The following PLXDC2 variants were observed in gnomAD, a reference collection of about 807,000 sequenced individuals.
PLXDC2 encodes the protein plexin domain-containing protein 2.
In PLXDC2, 40 loss-of-function variants were observed where a neutral mutation model predicts 68.9. That is an observed-to-expected ratio of 0.58 (90% confidence interval 0.45 to 0.76). PLXDC2 has a LOEUF of 0.76. PLXDC2 is among the 30% of genes least tolerant of loss of function. The probability of loss-of-function intolerance (pLI) is 0.00; values close to 1 mark genes in which losing one functional copy is unlikely to be tolerated. For missense variants in PLXDC2, 644 were observed against 661.9 expected (o/e 0.97, Z 0.30); for synonymous variants, 243 against 234.2 (o/e 1.04, Z -0.34).
In PLXDC2 at chr10:20,284,082, A is replaced by G. The variant is rs1360705672; in HGVS notation, c.*4263A>G. 6.6e-6 allele frequency: 1 copy of G among 152,082 alleles called. No individual in the cohort carries two copies. Among genetic ancestry groups the G allele is most frequent in the Non-Finnish European group, 1.5e-5 (1 of 68,024 alleles). The allele number at this position is 152,082 out of a possible 1,614,324, so 9.4% of individuals were successfully genotyped here. A position where few individuals can be genotyped will look rare whatever the true frequency, so the allele number is the denominator to read the frequency against. On this transcript the variant is annotated 3_prime_UTR_variant, in exon 14 of 14. Transcript: ENST00000377252. ...AGATCGCTTCAAGATGCTTTCGTTT[A>G]TGATAGGAAATTAATATTTAAATAA...
intron 1 of PLXDC2, among the ~76,000 whole-genome samples, chr10:19,842,355 G>A (rs745802026): frequency 3.3e-5 from 5 of 152,058 alleles, no homozygotes; most frequent in African/African-American, 1.2e-4. Flanking sequence ...CTTAGCATGC[G>A]TTGAGGCATA....
chr10:20,166,996 C>T (rs755365659), intron 7 of PLXDC2, among the ~76,000 whole-genome samples: 2 of 152,076 alleles, frequency 1.3e-5, no homozygotes, highest in Admixed American at 6.6e-5. Flanking sequence ...TTAATTCAAA[C>T]GTAGAATTCA....
At chr10:20,115,335 C>A (rs1191075548) in intron 4 of PLXDC2, among the ~76,000 whole-genome samples, 1 of 152,146 alleles carries the variant, frequency 6.6e-6, no homozygotes, top group Non-Finnish European at 1.5e-5. Flanking sequence ...GTGTGGGGCA[C>A]CTAAGCTGAC....
Position 20,133,534 on chromosome 10 carries a change from T to C in PLXDC2, c.542-9761T>C, listed in dbSNP as rs1358050880. Among the ~76,000 whole-genome samples, 4 of 152,304 alleles carry C rather than the reference T, an allele frequency of 2.6e-5. No individual in the cohort carries two copies. The East Asian group carries it at 7.7e-4, about 29-fold the overall frequency. On this transcript the variant is annotated intron_variant, in intron 4 of 13. Transcript: ENST00000377252. ...TTTGAATTTATTATTTGTCTCTCTT[T>C]TGCCCTATAAGGTTCCTGCTGAGAA...
At chr10:19,987,526 G>T (rs1328390059) in intron 1 of PLXDC2, among the ~76,000 whole-genome samples, 1 of 151,270 alleles carries the variant, frequency 6.6e-6, no homozygotes, top group Non-Finnish European at 1.5e-5. Context: ...ACTCTAGGTT[G>T]ATTCTTTGAG....
chr10:19,947,030 A>G (rs1395011644), intron 1 of PLXDC2, among the ~76,000 whole-genome samples: 1 of 152,122 alleles, frequency 6.6e-6, no homozygotes, highest in Non-Finnish European at 1.5e-5. Flanking sequence ...GGGTCCTTAT[A>G]AGTAAAAAGC....
Position 19,891,429 on chromosome 10 carries a change from C to CACAAT in PLXDC2, c.112+74238_112+74239insACAAT, listed in dbSNP as rs1429864367. ...CTCCCTTTTTTCTTCCACAATCTTCCGTAATTACCATTCACATCTATTAGA... is the reference window on the plus strand; with the variant it reads ...CTCCCTTTTTTCTTCCACAATCTTCCACAATGTAATTACCATTCACATCTATTAGA... On this transcript the variant is annotated intron_variant, in intron 1 of 13. Transcript: ENST00000377252. 2.0e-5 allele frequency among the ~76,000 whole-genome samples: 3 copies of CACAAT among 152,132 alleles called. No individual in the cohort carries two copies. In the East Asian group the frequency reaches 5.8e-4, roughly 29 times the overall value.
chr10:19,861,731 G>T (rs1837322609), intron 1 of PLXDC2, among the ~76,000 whole-genome samples: 1 of 152,106 alleles, frequency 6.6e-6, no homozygotes, highest in Admixed American at 6.6e-5. Context: ...CTTTTCTGCA[G>T]CTCCTCTGAC....
intron 1 of PLXDC2, among the ~76,000 whole-genome samples, chr10:19,902,451 G>A (rs979347068): frequency 6.6e-6 from 1 of 152,016 alleles, no homozygotes; most frequent in Non-Finnish European, 1.5e-5. Context: ...TATTGTAAAA[G>A]GGAATGAGTT....
chr10:20,124,988 C>T (rs111497604), intron 4 of PLXDC2, among the ~76,000 whole-genome samples: 3,853 of 152,152 alleles, frequency 0.025, 74 homozygotes, highest in South Asian at 0.074. Flanking sequence ...GGCAGACTAC[C>T]GTGGAAACCA....
At chr10:19,842,091 C>A (rs1255434853) in intron 1 of PLXDC2, among the ~76,000 whole-genome samples, 1 of 152,050 alleles carries the variant, frequency 6.6e-6, no homozygotes, top group Non-Finnish European at 1.5e-5. Context: ...GGTAGAGCAA[C>A]ATCCCAAAAT....
chr10:20,234,720 C>T (rs190864014), intron 12 of PLXDC2, among the ~76,000 whole-genome samples: 1 of 145,874 alleles, frequency 6.9e-6, no homozygotes, highest in Non-Finnish European at 1.5e-5. Context: ...CTGAGCTACA[C>T]AGCACACACA....
chr10:20,069,936 T>C (rs1051324880), intron 4 of PLXDC2, among the ~76,000 whole-genome samples: 4 of 152,212 alleles, frequency 2.6e-5, no homozygotes, highest in Non-Finnish European at 5.9e-5. Flanking sequence ...GTGAGAGTTG[T>C]TTAAGACTAT....
chr10:20,135,596 T>G (rs535817044), intron 4 of PLXDC2, among the ~76,000 whole-genome samples: 1 of 152,324 alleles, frequency 6.6e-6, no homozygotes, highest in African/African-American at 2.4e-5. Context: ...TTGTTTGTTT[T>G]TTGTCTATCT....
chr10:19,826,041 C>G (rs921283712), intron 1 of PLXDC2, among the ~76,000 whole-genome samples: 2 of 152,152 alleles, frequency 1.3e-5, no homozygotes, highest in African/African-American at 4.8e-5. Context: ...TAAATGCAAT[C>G]TGCATTGCAA....
chr10:20,143,364 C>G lies in PLXDC2; in HGVS notation c.611C>G (p.Ala204Gly). ...ACACAGTACATAGCACCTTTAATGG[C>G]AAATTTCGATCCCAGTGTATCCAGA... is the stretch of plus-strand genomic sequence containing the variant. ...TATQYIAPLM[A>G]NFDPSVSRNS... The change falls in exon 5 of 14, where the codon GCA becomes GGA. Residue 204 changes from alanine to glycine, a missense_variant. By Grantham distance (60) the Ala-to-Gly change is moderately conservative. This residue lies in a region of PLXDC2 where 113 missense variants were observed against 167.1 expected (regional missense o/e 0.68). Transcript: ENST00000377252. 6.2e-7 allele frequency: 1 copy of G among 1,613,196 alleles called. No individual in the cohort carries two copies. The highest frequency in any genetic ancestry group is 8.5e-7 in the Non-Finnish European group (1 of 1,179,354).
chr10:20,030,047 A>G (rs2131666442), intron 2 of PLXDC2, among the ~76,000 whole-genome samples: 1 of 152,158 alleles, frequency 6.6e-6, no homozygotes, highest in East Asian at 1.9e-4. Context: ...AAATGAAGGC[A>G]CTCTTAGAGA....
At chr10:20,142,999 T>C (rs557462577) in intron 4 of PLXDC2, among the ~76,000 whole-genome samples, 20 of 152,142 alleles carry the variant, frequency 1.3e-4, no homozygotes, top group South Asian at 8.3e-4. Flanking sequence ...TAATACTGTA[T>C]TAGCATTTTT....
chr10:19,927,529 G>A (rs1408380512), intron 1 of PLXDC2, among the ~76,000 whole-genome samples: 5 of 151,328 alleles, frequency 3.3e-5, no homozygotes, highest in East Asian at 2.0e-4. Flanking sequence ...GTGAAACCCC[G>A]TCTCTACTAA....
Sources: gnomAD v4.1 joint callset for allele counts (sites outside exome capture counted in the v4.1 genomes callset) on GRCh38, gnomAD v4.1.1 for gene constraint, gnomAD v4.1.1 regional missense constraint, MANE v1.5 for transcripts, NCBI Gene and HGNC (gene_info 2026-07-23, HGNC 2026-07-21) for gene names.